Variants in TBL1X observed in about 807,000 individuals in gnomAD.
TBL1X encodes transducin beta like 1 X-linked.
In TBL1X, 10 loss-of-function variants were observed where a neutral mutation model predicts 50.7. The observed-to-expected ratio is 0.20, with a 90% CI of 0.12 to 0.33. TBL1X has a LOEUF of 0.33. Among genes scored for constraint, TBL1X ranks in the 10% least tolerant of loss-of-function variants. TBL1X has a pLI of 1.00. For missense variants in TBL1X, 340 were observed against 504.4 expected (o/e 0.67, Z 3.12); for synonymous variants, 190 against 214.7 (o/e 0.88, Z 1.01).
intron 1 of TBL1X, among the ~76,000 whole-genome samples, chrX:9,492,815 T>C (rs1423347606): frequency 1.9e-5 from 2 of 104,679 alleles, no homozygotes; most frequent in Non-Finnish European, 3.9e-5. Context: ...GGGAGTGGAA[T>C]ATTGTTGAGA....
At chrX:9,685,880 G>A (rs757618892) in intron 6 of TBL1X, among the ~76,000 whole-genome samples, 1 of 108,870 alleles carries the variant, frequency 9.2e-6, no homozygotes, top group East Asian at 2.9e-4. Context: ...ACACCACCAC[G>A]TCCAGATAAT....
At position 9,560,215 on chromosome X, in the gene TBL1X, G is replaced by A. The variant is rs372682451; in HGVS notation, c.-131+58366G>A. 1.1e-4 allele frequency among the ~76,000 whole-genome samples: 12 copies of A among 112,256 alleles called. No individual in the cohort carries two copies. In the East Asian group the frequency reaches 3.1e-3, roughly 29 times the overall value. On this transcript the variant is annotated intron_variant, in intron 2 of 17. Coordinates refer to ENST00000645353, the MANE Select transcript of TBL1X (RefSeq NM_005647.4). ...TCCTTGCATGCCAGGGGGATTCTGT[G>A]CTCTTTCCATGTGTGAATGATAGCA... is the stretch of plus-strand genomic sequence containing the variant.
intron 5 of TBL1X, among the ~76,000 whole-genome samples, chrX:9,680,899 C>T (rs982199133): frequency 8.9e-6 from 1 of 112,254 alleles, no homozygotes; most frequent in Non-Finnish European, 1.9e-5. Flanking sequence ...CAGGATATTC[C>T]TTTCGGCAGA....
At chrX:9,628,090 T>A (rs1224658720) in intron 2 of TBL1X, among the ~76,000 whole-genome samples, 2 of 112,825 alleles carry the variant, frequency 1.8e-5, no homozygotes, top group Non-Finnish European at 3.7e-5. Flanking sequence ...AAGAATACAT[T>A]TCTGCTGAAC....
chrX:9,603,817 A>G (rs941407640), intron 2 of TBL1X, among the ~76,000 whole-genome samples: 2 of 110,596 alleles, frequency 1.8e-5, no homozygotes, highest in African/African-American at 6.6e-5. Context: ...CCAGGGGAGG[A>G]TGCTTCCTGC....
At chrX:9,617,602 A>C (rs2082645545) in intron 2 of TBL1X, among the ~76,000 whole-genome samples, 1 of 111,932 alleles carries the variant, frequency 8.9e-6, no homozygotes, top group African/African-American at 3.3e-5. Context: ...AGACCCAGAG[A>C]GTGGGGACAT....
At chrX:9,683,405 G>T (rs951857720) in intron 5 of TBL1X, among the ~76,000 whole-genome samples, 6 of 112,236 alleles carry the variant, frequency 5.3e-5, no homozygotes, top group Non-Finnish European at 5.6e-5. Flanking sequence ...GAGATGCACT[G>T]GGGGAGGAGA....
intron 1 of TBL1X, among the ~76,000 whole-genome samples, chrX:9,479,262 A>T (rs1035706474): frequency 8.9e-6 from 1 of 112,622 alleles, no homozygotes; most frequent in Non-Finnish European, 1.9e-5. Flanking sequence ...CCTGACCAAC[A>T]TGGTGAAACC....
chrX:9,630,013 G>A (rs1374144130), intron 2 of TBL1X, among the ~76,000 whole-genome samples: 1 of 110,470 alleles, frequency 9.1e-6, no homozygotes, highest in Non-Finnish European at 1.9e-5. Context: ...ATGACTTCCC[G>A]GTGTTATCTT....
intron 2 of TBL1X, among the ~76,000 whole-genome samples, chrX:9,620,259 CT>C (rs2082659964): frequency 8.9e-6 from 1 of 112,410 alleles, no homozygotes; most frequent in African/African-American, 3.2e-5. Flanking sequence ...TGGGGTTGTG[CT>C]GTCCACTACA....
intron 3 of TBL1X, among the ~76,000 whole-genome samples, chrX:9,651,961 A>G (rs2082838025): frequency 8.9e-6 from 1 of 112,259 alleles, no homozygotes; most frequent in Non-Finnish European, 1.9e-5. Context: ...AACAACACAC[A>G]TTCATTCTCT....
chrX:9,580,190 GT>G (rs1454551461), intron 2 of TBL1X, among the ~76,000 whole-genome samples: 2 of 111,629 alleles, frequency 1.8e-5, no homozygotes, highest in Non-Finnish European at 3.8e-5. Flanking sequence ...TCTGAGACGG[GT>G]CTCAATCAAT....
In TBL1X at chrX:9,717,223, T is replaced by C. The variant is rs1056898519; in HGVS notation, c.*977T>C. 4 of 110,081 alleles carry C rather than the reference T, an allele frequency of 3.6e-5. No individual in the cohort carries two copies. The highest frequency in any genetic ancestry group is 2.8e-4 in the East Asian group (1 of 3,516). The allele number at this position is 110,081 out of a possible 1,213,427, so 9.1% of individuals were successfully genotyped here. A position where few individuals can be genotyped will look rare whatever the true frequency, so the allele number is the denominator to read the frequency against. Reference sequence around the variant, plus strand: ...TTACAGGAGAAAAAAAAATGACTTATAAGAGAAAGAGCCTGGAGTATTTTT... The same window carrying C: ...TTACAGGAGAAAAAAAAATGACTTACAAGAGAAAGAGCCTGGAGTATTTTT... On this transcript the variant is annotated 3_prime_UTR_variant, in exon 18 of 18. Coordinates refer to ENST00000645353, the MANE Select transcript of TBL1X (RefSeq NM_005647.4).
intron 16 of TBL1X, among the ~76,000 whole-genome samples, chrX:9,712,950 A>G (rs1420592238): frequency 2.8e-5 from 2 of 72,239 alleles, no homozygotes; most frequent in Non-Finnish European, 5.1e-5. Flanking sequence ...GAGGGGAGGA[A>G]TCACACAGCC....
At chrX:9,550,545 A>G (rs1412786338) in intron 2 of TBL1X, among the ~76,000 whole-genome samples, 2 of 112,050 alleles carry the variant, frequency 1.8e-5, no homozygotes, top group African/African-American at 3.2e-5. Flanking sequence ...ATCTCGGTAG[A>G]ATATTGACCT....
intron 5 of TBL1X, 50 bp from the exon 6 acceptor site, chrX:9,683,993 C>T (rs1273084949): frequency 8.3e-7 from 1 of 1,210,235 alleles, no homozygotes; most frequent in East Asian, 3.0e-5. Flanking sequence ...CTGCACCTCC[C>T]TCCTTCAATT....
chrX:9,606,648 C>T (rs1276529992), intron 2 of TBL1X, among the ~76,000 whole-genome samples: 1 of 111,588 alleles, frequency 9.0e-6, no homozygotes, highest in Non-Finnish European at 1.9e-5. Flanking sequence ...CACTGCACTC[C>T]AGCCTAGGTG....
At chrX:9,681,238 G>A (rs1443539505) in intron 5 of TBL1X, among the ~76,000 whole-genome samples, 3 of 112,126 alleles carry the variant, frequency 2.7e-5, no homozygotes, top group East Asian at 5.6e-4. Flanking sequence ...GTCTAGCTGA[G>A]CAGCCAGGTG....
At chrX:9,608,162 G>GT (rs2082593538) in intron 2 of TBL1X, among the ~76,000 whole-genome samples, 1 of 110,518 alleles carries the variant, frequency 9.0e-6, no homozygotes, top group African/African-American at 3.3e-5. Flanking sequence ...GGGGTGGTAG[G>GT]TTTTGAGGAA....
Sources: gnomAD v4.1 joint callset for allele counts (sites outside exome capture counted in the v4.1 genomes callset) on GRCh38, gnomAD v4.1.1 for gene constraint, MANE v1.5 for transcripts, NCBI Gene and HGNC (gene_info 2026-07-23, HGNC 2026-07-21) for gene names.